SIPA1L1: variants seen among roughly 807,000 people sequenced by gnomAD.
SIPA1L1 encodes signal-induced proliferation-associated 1-like protein 1.
A neutral mutation model predicts 162.7 loss-of-function variants in SIPA1L1; 26 were observed. The ratio of observed to expected loss-of-function variants is 0.16; its 90% CI spans 0.12 to 0.22. The LOEUF (loss-of-function observed/expected upper bound fraction) is 0.22, where lower values mean the gene tolerates loss of function less well. SIPA1L1 is among the 10% of genes least tolerant of loss of function. SIPA1L1 has a pLI of 1.00. For synonymous variants in SIPA1L1, 829 were observed against 837.4 expected, an observed-to-expected ratio of 0.99 and a Z score of 0.17; for missense variants, 1,874 against 2,241.0, an observed-to-expected ratio of 0.84 and a Z score of 3.31.
At chr14:71,364,682 C>T (rs2140916986) in intron 2 of SIPA1L1, among the ~76,000 whole-genome samples, 1 of 152,116 alleles carries the variant, frequency 6.6e-6, no homozygotes, top group East Asian at 1.9e-4. Context: ...TCCTCAGAGC[C>T]CTGAGACCTC....
intron 2 of SIPA1L1, among the ~76,000 whole-genome samples, chr14:71,333,214 T>C (rs1203548378): frequency 6.6e-6 from 1 of 152,224 alleles, no homozygotes; most frequent in Non-Finnish European, 1.5e-5. Flanking sequence ...TTACCTCTTC[T>C]AGGTGCTTGG....
chr14:71,732,166 G>A (rs1260747222), intron 20 of SIPA1L1, among the ~76,000 whole-genome samples: 1 of 152,198 alleles, frequency 6.6e-6, no homozygotes, highest in African/African-American at 2.4e-5. Context: ...ACCAGCAGCT[G>A]TACTTCAGAG....
At chr14:71,634,426 A>G (rs1482789987) in intron 7 of SIPA1L1, among the ~76,000 whole-genome samples, 17 of 150,336 alleles carry the variant, frequency 1.1e-4, no homozygotes, top group Non-Finnish European at 1.5e-5. Context: ...AAACCCACCT[A>G]TAAGGGAAGA....
intron 2 of SIPA1L1, among the ~76,000 whole-genome samples, chr14:71,336,436 A>G (rs370830474): frequency 7.2e-4 from 109 of 152,224 alleles, no homozygotes; most frequent in African/African-American, 2.3e-3. Flanking sequence ...TGCCTCTTCT[A>G]TGTGTTTCAT....
At chr14:71,641,294 A>G (rs2041688445) in intron 7 of SIPA1L1, among the ~76,000 whole-genome samples, 1 of 151,984 alleles carries the variant, frequency 6.6e-6, no homozygotes, top group Admixed American at 6.6e-5. Flanking sequence ...AAAAAAAAAA[A>G]AATCAAATAT....
At chr14:71,691,421 G>A (rs745984255) in intron 13 of SIPA1L1, among the ~76,000 whole-genome samples, 4 of 151,940 alleles carry the variant, frequency 2.6e-5, no homozygotes, top group Admixed American at 6.6e-5. Context: ...GTGAGACCCC[G>A]TATCTACAAA....
chr14:71,336,067 T>G (rs2035059981), intron 2 of SIPA1L1, among the ~76,000 whole-genome samples: 2 of 152,358 alleles, frequency 1.3e-5, no homozygotes, highest in South Asian at 2.1e-4. Flanking sequence ...TCCTAAAGTA[T>G]CTTTTAGGCT....
intron 2 of SIPA1L1, among the ~76,000 whole-genome samples, chr14:71,472,577 A>G (rs770642707): frequency 1.3e-4 from 20 of 151,974 alleles, no homozygotes; most frequent in Non-Finnish European, 2.6e-4. Flanking sequence ...GAATGACTAG[A>G]CTAACAGTCA....
chr14:71,679,173 G>A (rs969175748), intron 12 of SIPA1L1, among the ~76,000 whole-genome samples: 2 of 152,160 alleles, frequency 1.3e-5, no homozygotes, highest in Non-Finnish European at 2.9e-5. Context: ...AAAGTGTTAA[G>A]GGCAGCCAGA....
chr14:71,712,281 C>T (rs954314557), intron 17 of SIPA1L1, among the ~76,000 whole-genome samples: 7 of 152,132 alleles, frequency 4.6e-5, no homozygotes, highest in African/African-American at 1.2e-4. Flanking sequence ...TCTTTTGTAG[C>T]TCCTCATGAG....
chr14:71,330,384 G>A lies in SIPA1L1; in HGVS notation c.-465+9203G>A. ...GGCGATGAAAATTGTAGGGAAAGAA[G>A]CGGACATGCATGCTGATTTCACGAG... On this transcript the variant is annotated intron_variant, in intron 2 of 23. Transcript: ENST00000381232. 4 of 1,013,672 alleles carry A rather than the reference G, an allele frequency of 3.9e-6. No homozygotes were observed. The Admixed American group carries it at 6.7e-5, about 17-fold the overall frequency. 62.8% of individuals were successfully genotyped at this position (1,013,672 alleles called of 1,614,324 possible). A position where few individuals can be genotyped will look rare whatever the true frequency, so the allele number is the denominator to read the frequency against.
At chr14:71,695,287 A>G (rs1369575625) in intron 13 of SIPA1L1, among the ~76,000 whole-genome samples, 4 of 152,102 alleles carry the variant, frequency 2.6e-5, no homozygotes, top group African/African-American at 9.7e-5. Flanking sequence ...TGTGTGTTCT[A>G]TGTGTGTGAA....
intron 17 of SIPA1L1, among the ~76,000 whole-genome samples, chr14:71,720,736 C>T (rs572067410): frequency 2.6e-5 from 4 of 152,072 alleles, no homozygotes; most frequent in South Asian, 4.2e-4. Context: ...GAAACTGATA[C>T]ATTTTTCACT....
intron 2 of SIPA1L1, among the ~76,000 whole-genome samples, chr14:71,413,577 A>C (rs1250554084): frequency 1.3e-5 from 2 of 152,166 alleles, no homozygotes; most frequent in East Asian, 3.8e-4. Context: ...GTCTCTGCTA[A>C]AAACACAAAA....
intron 2 of SIPA1L1, among the ~76,000 whole-genome samples, chr14:71,473,886 G>T (rs945142550): frequency 3.3e-5 from 5 of 152,124 alleles, no homozygotes; most frequent in African/African-American, 1.2e-4. Context: ...TAAGAAATAA[G>T]CTAAAATGTA....
intron 4 of SIPA1L1, among the ~76,000 whole-genome samples, chr14:71,557,476 T>C (rs753520851): frequency 6.6e-6 from 1 of 152,216 alleles, no homozygotes; most frequent in Non-Finnish European, 1.5e-5. Context: ...TTACTACAGG[T>C]TGTATTTTTG....
intron 2 of SIPA1L1, among the ~76,000 whole-genome samples, chr14:71,339,488 G>A (rs1054826826): frequency 1.3e-5 from 2 of 151,428 alleles, no homozygotes; most frequent in South Asian, 2.1e-4. Context: ...TCAGCCTCCC[G>A]AGTAGCTGGG....
chr14:71,496,843 A>G (rs1167472472), intron 2 of SIPA1L1, among the ~76,000 whole-genome samples: 3 of 152,128 alleles, frequency 2.0e-5, no homozygotes, highest in African/African-American at 7.2e-5. Context: ...TTCTCCAGTA[A>G]TGTTTTTATC....
chr14:71,585,767 TAG>T (rs2034516283), intron 4 of SIPA1L1, among the ~76,000 whole-genome samples: 1 of 152,238 alleles, frequency 6.6e-6, no homozygotes, highest in African/African-American at 2.4e-5. Context: ...AAATCTACTT[TAG>T]AAGTATTATT....
Sources: allele counts gnomAD v4.1 joint callset (sites outside exome capture counted in the v4.1 genomes callset), GRCh38; gene constraint gnomAD v4.1.1; transcripts MANE v1.5; gene names NCBI Gene and HGNC (gene_info 2026-07-23, HGNC 2026-07-21).